ADGRL3: variants seen among roughly 807,000 people sequenced by gnomAD.
The protein encoded by ADGRL3 is adhesion G protein-coupled receptor L3.
A neutral mutation model predicts 153.5 loss-of-function variants in ADGRL3; 62 were observed. That is an observed-to-expected ratio of 0.40 (90% CI 0.33 to 0.50). The LOEUF (loss-of-function observed/expected upper bound fraction) is 0.50, where lower values mean the gene tolerates loss of function less well. Ranked by LOEUF, ADGRL3 falls within the 20% of genes least tolerant of loss-of-function variation. The pLI, the probability that ADGRL3 is intolerant of heterozygous loss-of-function variation, is 0.47. For missense variants in ADGRL3, 1,641 were observed against 1,859.4 expected, an observed-to-expected ratio of 0.88 and a Z score of 2.16; for synonymous variants, 710 against 672.5, an observed-to-expected ratio of 1.06 and a Z score of -0.86.
intron 8 of ADGRL3, among the ~76,000 whole-genome samples, chr4:61,741,113 G>A (rs1017115286): frequency 2.0e-5 from 3 of 152,160 alleles, no homozygotes; most frequent in Admixed American, 6.5e-5. Context: ...TGACAGCTGA[G>A]TAATGTGAGT....
chr4:62,003,828 G>A (rs2099148651), intron 21 of ADGRL3, among the ~76,000 whole-genome samples: 1 of 151,936 alleles, frequency 6.6e-6, no homozygotes, highest in South Asian at 2.1e-4. Flanking sequence ...TTGGCTCCAG[G>A]GGTGGAATGC....
At chr4:61,618,522 A>G (rs2092247038) in intron 5 of ADGRL3, among the ~76,000 whole-genome samples, 1 of 152,148 alleles carries the variant, frequency 6.6e-6, no homozygotes, top group Non-Finnish European at 1.5e-5. Context: ...GTCCACACCA[A>G]CATTTCTAGT....
intron 3 of ADGRL3, among the ~76,000 whole-genome samples, chr4:61,503,287 G>A (rs545204849): frequency 6.6e-6 from 1 of 152,176 alleles, no homozygotes; most frequent in South Asian, 2.1e-4. Context: ...TATGAGTGAT[G>A]TGTACATATT....
chr4:61,433,976 AC>A (rs2097409259), intron 2 of ADGRL3, among the ~76,000 whole-genome samples: 1 of 151,974 alleles, frequency 6.6e-6, no homozygotes, highest in Admixed American at 6.6e-5. Flanking sequence ...TATTAATCGA[AC>A]CCTTCCAAAA....
At chr4:61,940,028 C>A (rs1296156481) in intron 15 of ADGRL3, among the ~76,000 whole-genome samples, 1 of 141,684 alleles carries the variant, frequency 7.1e-6, no homozygotes, top group Non-Finnish European at 1.5e-5. Context: ...GCGCTGCACC[C>A]ACTAATGTGT....
chr4:61,656,224 T>G lies in ADGRL3; in HGVS notation c.474-20602T>G, dbSNP rs187234800. ...GCTATCTTTTGGTGCTATCACATAT[T>G]TGTGACTGTAATACAGGATCTTAAA... On this transcript the variant is annotated intron_variant, in intron 5 of 26. Transcript: ENST00000683033. Among the ~76,000 whole-genome samples, 132 of 152,308 alleles carry G rather than the reference T, an allele frequency of 8.7e-4. 2 individuals carry two copies. Among genetic ancestry groups the G allele is most frequent in the African/African-American group, 3.1e-3 (129 of 41,574 alleles).
At chr4:61,457,695 C>A (rs2097768920) in intron 2 of ADGRL3, among the ~76,000 whole-genome samples, 1 of 151,792 alleles carries the variant, frequency 6.6e-6, no homozygotes, top group Admixed American at 6.6e-5. Context: ...TTCATGCCTT[C>A]TGTCTTAAAG....
chr4:61,478,551 A>T (rs1209642606), intron 2 of ADGRL3, among the ~76,000 whole-genome samples: 1 of 152,104 alleles, frequency 6.6e-6, no homozygotes, highest in African/African-American at 2.4e-5. Context: ...GATATTCTCC[A>T]GATGGCCAAT....
intron 2 of ADGRL3, among the ~76,000 whole-genome samples, chr4:61,432,641 TCTTTCTTTC>T (rs2097381727): frequency 9.7e-5 from 8 of 82,696 alleles, no homozygotes; most frequent in African/African-American, 3.4e-4. Flanking sequence ...TTTCTTTCTT[TCTTTCTTTC>T]TTTCTTTTTT....
intron 4 of ADGRL3, among the ~76,000 whole-genome samples, chr4:61,562,074 TA>T (rs1259203105): frequency 1.3e-5 from 2 of 152,202 alleles, no homozygotes; most frequent in East Asian, 3.8e-4. Flanking sequence ...AAAGCAAGAA[TA>T]AAGCAAGTTT....
At chr4:61,759,460 A>G (rs536240224) in intron 8 of ADGRL3, among the ~76,000 whole-genome samples, 4 of 152,260 alleles carry the variant, frequency 2.6e-5, no homozygotes, top group African/African-American at 7.2e-5. Context: ...CCAGTTGATC[A>G]GATCGACTAC....
chr4:61,708,117 G>A (rs1005320380), intron 6 of ADGRL3, among the ~76,000 whole-genome samples: 6 of 151,884 alleles, frequency 4.0e-5, no homozygotes, highest in African/African-American at 9.7e-5. Context: ...CAAACTTACC[G>A]TCTTCTTTTT....
intron 4 of ADGRL3, among the ~76,000 whole-genome samples, chr4:61,541,980 G>T (rs748781250): frequency 1.3e-5 from 2 of 152,032 alleles, no homozygotes; most frequent in African/African-American, 2.4e-5. Context: ...ATGTGGGGTC[G>T]TGGCCAATTT....
chr4:61,657,398 A>C (rs2094470911), intron 5 of ADGRL3, among the ~76,000 whole-genome samples: 1 of 152,032 alleles, frequency 6.6e-6, no homozygotes, highest in African/African-American at 2.4e-5. Flanking sequence ...CTATATATAT[A>C]TATGCCTTAG....
chr4:62,001,380 A>G (rs1031947008), intron 21 of ADGRL3, among the ~76,000 whole-genome samples: 3 of 152,162 alleles, frequency 2.0e-5, no homozygotes, highest in Admixed American at 6.6e-5. Context: ...GGGGTAGCTC[A>G]GTGAATTGAG....
chr4:61,367,047 T>C (rs1361759414), intron 1 of ADGRL3, among the ~76,000 whole-genome samples: 1 of 152,138 alleles, frequency 6.6e-6, no homozygotes, highest in East Asian at 1.9e-4. Flanking sequence ...TATATAAAAG[T>C]TTGCCTTTTA....
intron 2 of ADGRL3, among the ~76,000 whole-genome samples, chr4:61,396,497 T>C (rs745551465): frequency 1.6e-4 from 24 of 151,992 alleles, no homozygotes; most frequent in Non-Finnish European, 3.1e-4. Context: ...AGATTCTTAC[T>C]TGGTTTACAT....
chr4:61,979,959 T>G (rs894447532), intron 18 of ADGRL3, among the ~76,000 whole-genome samples, 187 bp downstream of exon 18: 12 of 152,232 alleles, frequency 7.9e-5, no homozygotes, highest in African/African-American at 2.7e-4. Flanking sequence ...CAGCAAACTT[T>G]ATGAATAAGG....
intron 1 of ADGRL3, among the ~76,000 whole-genome samples, chr4:61,382,134 C>T (rs571441307): frequency 1.1e-4 from 16 of 151,890 alleles, no homozygotes; most frequent in Non-Finnish European, 1.6e-4. Context: ...GTATCTCATT[C>T]TTTATCCATT....
Sources: allele counts gnomAD v4.1 joint callset (sites outside exome capture counted in the v4.1 genomes callset), GRCh38; gene constraint gnomAD v4.1.1; transcripts MANE v1.5; gene names NCBI Gene and HGNC (gene_info 2026-07-23, HGNC 2026-07-21).